Variants in CFDP1 observed in about 807,000 individuals in gnomAD.
CFDP1 encodes chromatin remodeling protein CFDP1.
In CFDP1, 31 loss-of-function variants were observed where a neutral mutation model predicts 40.1. The ratio of observed to expected loss-of-function variants is 0.77; its 90% CI spans 0.58 to 1.04. The LOEUF (loss-of-function observed/expected upper bound fraction) is 1.04. Among genes scored for constraint, CFDP1 ranks in the 50% least tolerant of loss-of-function variants. The pLI, the probability that CFDP1 is intolerant of heterozygous loss-of-function variation, is 0.00. For synonymous variants in CFDP1, 167 were observed against 120.0 expected (o/e 1.39, Z -2.56); for missense variants, 423 against 343.4 (o/e 1.23, Z -1.83).
chr16:75,298,699 C>T (rs1467202430), intron 6 of CFDP1, among the ~76,000 whole-genome samples: 1 of 152,116 alleles, frequency 6.6e-6, no homozygotes, highest in Non-Finnish European at 1.5e-5. Flanking sequence ...CAATAGTACA[C>T]CTCCCGCCTT....
At chr16:75,357,051 T>C (rs2078649553) in intron 5 of CFDP1, among the ~76,000 whole-genome samples, 1 of 151,652 alleles carries the variant, frequency 6.6e-6, no homozygotes, top group South Asian at 2.1e-4. Context: ...GTGCTGGGAC[T>C]ACAGTCGTGT....
intron 1 of CFDP1, among the ~76,000 whole-genome samples, chr16:75,431,803 G>A (rs1472921698): frequency 6.6e-6 from 1 of 152,096 alleles, no homozygotes; most frequent in Non-Finnish European, 1.5e-5. Context: ...CTATACATGG[G>A]TTAAATCAAT....
At chr16:75,423,208 G>C (rs1003151823) in intron 1 of CFDP1, among the ~76,000 whole-genome samples, 12 of 150,756 alleles carry the variant, frequency 8.0e-5, no homozygotes, top group African/African-American at 2.4e-4. Flanking sequence ...GTGAACCCGG[G>C]AGGCAGGGCT....
chr16:75,312,589 C>T (rs926664538), intron 5 of CFDP1, among the ~76,000 whole-genome samples: 4 of 152,102 alleles, frequency 2.6e-5, no homozygotes, highest in East Asian at 1.9e-4. Flanking sequence ...ATCTTTATAA[C>T]GTGTGTCTAA....
At chr16:75,317,474 G>T (rs1479715904) in intron 5 of CFDP1, among the ~76,000 whole-genome samples, 1 of 152,316 alleles carries the variant, frequency 6.6e-6, no homozygotes, top group East Asian at 1.9e-4. Context: ...CTCCAAGGAG[G>T]AAATGTTGAG....
intron 4 of CFDP1, among the ~76,000 whole-genome samples, chr16:75,410,470 T>C (rs1279717644): frequency 6.6e-6 from 1 of 152,134 alleles, no homozygotes; most frequent in Non-Finnish European, 1.5e-5. Flanking sequence ...AAAATATTAT[T>C]AAGCTAAGAA....
At chr16:75,420,311 T>C in intron 1 of CFDP1, among the ~76,000 whole-genome samples, 1 of 152,180 alleles carries the variant, frequency 6.6e-6, no homozygotes, top group East Asian at 1.9e-4. Context: ...TCTGATGCTA[T>C]TCAAACATCA....
At chr16:75,328,218 A>C (rs1193550253) in intron 5 of CFDP1, among the ~76,000 whole-genome samples, 1 of 148,098 alleles carries the variant, frequency 6.8e-6, no homozygotes, top group Non-Finnish European at 1.5e-5. Context: ...TCCTGGCCTC[A>C]GGCAATCCTC....
At chr16:75,363,111 A>G (rs7199718) in intron 5 of CFDP1, 11,634 of 152,200 alleles carry the variant, frequency 0.076, 457 homozygotes, top group Middle Eastern at 0.13. Context: ...AAGTTAGTAC[A>G]ACGCTCTTTA....
At chr16:75,383,546 C>A (rs1438408311) in intron 5 of CFDP1, among the ~76,000 whole-genome samples, 3 of 152,098 alleles carry the variant, frequency 2.0e-5, no homozygotes, top group Non-Finnish European at 4.4e-5. Flanking sequence ...CCCAGCGAGG[C>A]GCTGTGGCTC....
intron 5 of CFDP1, among the ~76,000 whole-genome samples, chr16:75,376,691 T>C (rs1035007099): frequency 2.0e-5 from 3 of 152,116 alleles, no homozygotes; most frequent in Non-Finnish European, 4.4e-5. Context: ...CAGGACAGGA[T>C]TCCAGAGGCA....
chr16:75,425,154 T>A (rs1449646944), intron 1 of CFDP1, among the ~76,000 whole-genome samples: 1 of 151,944 alleles, frequency 6.6e-6, no homozygotes, highest in Non-Finnish European at 1.5e-5. Context: ...CCCAAAACGG[T>A]CTACAGATTC....
rs2079117936 is a variant in CFDP1, at chr16:75,407,993, A to G, written c.530+3832T>C. On this transcript the variant is annotated intron_variant, in intron 4 of 6. Coordinates refer to ENST00000283882, the MANE Select transcript of CFDP1 (RefSeq NM_006324.3). ...GTGGTGTATGCCTATAGTCCCACGCACTCGGCAGGCTGAGGTGGGAGAATG... is the reference window on the plus strand; with the variant it reads ...GTGGTGTATGCCTATAGTCCCACGCGCTCGGCAGGCTGAGGTGGGAGAATG... Among the ~76,000 whole-genome samples, 3 of 152,032 alleles carry G rather than the reference A, an allele frequency of 2.0e-5. No homozygotes were observed. The South Asian group carries it at 6.2e-4, about 32-fold the overall frequency.
chr16:75,378,114 G>A (rs114307769), intron 5 of CFDP1, among the ~76,000 whole-genome samples: 95 of 152,272 alleles, frequency 6.2e-4, no homozygotes, highest in African/African-American at 2.3e-3. Context: ...TGGAAAACAA[G>A]GCTTCCAGGC....
chr16:75,297,668 T>A (rs2078193682), intron 6 of CFDP1, among the ~76,000 whole-genome samples: 1 of 152,204 alleles, frequency 6.6e-6, no homozygotes, highest in Admixed American at 6.5e-5. Context: ...CCTTTCTGCT[T>A]CCATTGCCTT....
intron 5 of CFDP1, among the ~76,000 whole-genome samples, chr16:75,358,619 C>T (rs1030501914): frequency 6.6e-6 from 1 of 152,082 alleles, no homozygotes; most frequent in Admixed American, 6.6e-5. Flanking sequence ...GAATTACCTA[C>T]TTTTCCCCCA....
At chr16:75,414,199 T>C (rs1271947827) in intron 2 of CFDP1, among the ~76,000 whole-genome samples, 1 of 152,016 alleles carries the variant, frequency 6.6e-6, no homozygotes, top group Non-Finnish European at 1.5e-5. Context: ...CTACTATTTA[T>C]ATTTTTTTTC....
At chr16:75,407,508 T>C (rs1052740107) in intron 4 of CFDP1, among the ~76,000 whole-genome samples, 5 of 117,698 alleles carry the variant, frequency 4.2e-5, no homozygotes, top group Non-Finnish European at 6.0e-5. Context: ...TGAGATGACA[T>C]TGCTACAAAA....
chr16:75,368,440 T>C (rs1171724276), intron 5 of CFDP1, among the ~76,000 whole-genome samples: 1 of 152,192 alleles, frequency 6.6e-6, no homozygotes, highest in Non-Finnish European at 1.5e-5. Context: ...TACTGAAGAT[T>C]GGTTACATGC....
Sources: gnomAD v4.1 joint callset for allele counts (sites outside exome capture counted in the v4.1 genomes callset) on GRCh38, gnomAD v4.1.1 for gene constraint, MANE v1.5 for transcripts, NCBI Gene and HGNC (gene_info 2026-07-23, HGNC 2026-07-21) for gene names.